Variants in NDUFA10 observed in about 807,000 individuals in gnomAD.
The protein encoded by NDUFA10 is NADH dehydrogenase [ubiquinone] 1 alpha subcomplex subunit 10, mitochondrial.
NDUFA10 carries 40 observed loss-of-function variants against 47.8 expected under a neutral mutation model. The observed-to-expected ratio is 0.84, with a 90% CI of 0.65 to 1.09. NDUFA10 has a LOEUF of 1.09. NDUFA10 is among the 50% of genes least tolerant of loss of function. NDUFA10 has a pLI of 0.00. For missense variants in NDUFA10, 413 were observed against 451.1 expected (o/e 0.92, Z 0.76); for synonymous variants, 183 against 172.2 (o/e 1.06, Z -0.49).
chr2:239,974,989 A>G (rs1385522073), intron 9 of NDUFA10, among the ~76,000 whole-genome samples: 1 of 146,834 alleles, frequency 6.8e-6, no homozygotes, highest in African/African-American at 2.6e-5. Flanking sequence ...CTGGTCATTT[A>G]AAAACATGTG....
rs764117175 is a variant in NDUFA10 at position 239,928,555 on chromosome 2, C to A, written c.295-33241G>T. Among the ~76,000 whole-genome samples, 8 of 152,194 alleles carry A rather than the reference C, an allele frequency of 5.3e-5. No homozygotes were observed. Among genetic ancestry groups the A allele is most frequent in the Non-Finnish European group, 1.0e-4 (7 of 68,034 alleles). On this transcript the variant is annotated intron_variant, in intron 4 of 5. Transcript: ENST00000419408. This position sits in a 1 kb window ranked among gnomAD's most constrained non-coding sequence, Gnocchi z 4.3. ...TGGGTTTAATGCAGTTCCTGTCTCCCACCCTGGAGCTGTGACAGCGACATC... is the reference window on the plus strand; with the variant it reads ...TGGGTTTAATGCAGTTCCTGTCTCCAACCCTGGAGCTGTGACAGCGACATC...
intron 9 of NDUFA10, chr2:239,982,144 T>A (rs1180426994): frequency 6.2e-7 from 1 of 1,612,604 alleles, no homozygotes; most frequent in Non-Finnish European, 8.5e-7. Context: ...TCTTCCCACC[T>A]CCAAAGACCA....
intron 4 of NDUFA10, among the ~76,000 whole-genome samples, chr2:239,936,194 A>AGATG (rs1694263873): frequency 2.6e-5 from 4 of 152,200 alleles, no homozygotes; most frequent in Admixed American, 2.0e-4. Flanking sequence ...TGTGGGCAGC[A>AGATG]GATGCCCTGT....
At chr2:239,978,485 C>T (rs914384532) in intron 9 of NDUFA10, among the ~76,000 whole-genome samples, 1 of 152,152 alleles carries the variant, frequency 6.6e-6, no homozygotes, top group Non-Finnish European at 1.5e-5. Flanking sequence ...CGAGCTTGGT[C>T]CTCTTCACCA....
chr2:239,969,449 TCTG>T (rs1695222411), intron 9 of NDUFA10: 1 of 335,714 alleles, frequency 3.0e-6, no homozygotes, highest in Admixed American at 3.8e-5. Context: ...ACCCTCAGGA[TCTG>T]CTGCCTGTTC....
At chr2:239,956,559 G>A (rs963550034), downstream of NDUFA10, among the ~76,000 whole-genome samples, 37 of 152,220 alleles carry the variant, frequency 2.4e-4, no homozygotes, top group African/African-American at 8.2e-4. Flanking sequence ...GAGGACTGGC[G>A]TTGCTCCTGG....
intron 4 of NDUFA10, among the ~76,000 whole-genome samples, chr2:239,904,963 C>G (rs149407731): frequency 1.3e-5 from 2 of 152,156 alleles, no homozygotes; most frequent in Non-Finnish European, 1.5e-5. Flanking sequence ...TCTGCTCTTC[C>G]GCCTCTTATA....
At position 239,968,533 on chromosome 2, in the gene NDUFA10, C is replaced by A. The variant is rs151099497; in HGVS notation, c.1000-7347G>T. Among the ~76,000 whole-genome samples, 122 of 152,308 alleles carry A rather than the reference C, an allele frequency of 8.0e-4. 2 individuals are homozygous for A. In the South Asian group the frequency reaches 0.014, roughly 18 times the overall value. On this transcript the variant is annotated intron_variant, in intron 9 of 9. Coordinates refer to ENST00000252711, the MANE Select transcript of NDUFA10 (RefSeq NM_004544.4). ...AGGCAGTAACAGGGTCTGTACTTGC[C>A]TCCCAGCCAGATACATTTAGAAACT...
At chr2:239,909,319 A>T (rs1391878018) in intron 4 of NDUFA10, among the ~76,000 whole-genome samples, 3 of 152,204 alleles carry the variant, frequency 2.0e-5, no homozygotes, top group Non-Finnish European at 4.4e-5. Context: ...AACTATTTTT[A>T]AAAAATCCCT....
At chr2:240,020,242 G>A (rs570023886) in intron 3 of NDUFA10, among the ~76,000 whole-genome samples, 11 of 152,174 alleles carry the variant, frequency 7.2e-5, no homozygotes, top group Admixed American at 6.5e-5. Context: ...CCCTAGTGGC[G>A]GCTGAGCTTG....
At chr2:239,955,052 T>C (rs567145756), downstream of NDUFA10, among the ~76,000 whole-genome samples, 2 of 152,346 alleles carry the variant, frequency 1.3e-5, no homozygotes, top group African/African-American at 4.8e-5. Context: ...GAAGGGTTCA[T>C]TTGAATTTGG....
chr2:239,910,766 G>T (rs1229639054), intron 4 of NDUFA10, among the ~76,000 whole-genome samples: 1 of 152,166 alleles, frequency 6.6e-6, no homozygotes, highest in African/African-American at 2.4e-5. Context: ...GATGACCATT[G>T]TCACTAGCTT....
intron 9 of NDUFA10, chr2:239,976,439 C>G (rs1695525342): frequency 6.6e-6 from 1 of 152,528 alleles, no homozygotes; most frequent in Non-Finnish European, 1.5e-5. Context: ...CCCCAAGACT[C>G]TACTTGGCAA....
At chr2:239,952,751 T>TGGGCCAGGGCCC (rs1694578091), downstream of NDUFA10, among the ~76,000 whole-genome samples, 2 of 152,324 alleles carry the variant, frequency 1.3e-5, no homozygotes, top group South Asian at 4.1e-4. Flanking sequence ...GGCCTGGGCC[T>TGGGCCAGGGCCC]GGGCCAGGGC....
intron 4 of NDUFA10, among the ~76,000 whole-genome samples, chr2:239,947,025 G>T (rs1217798312): frequency 2.6e-5 from 4 of 152,122 alleles, no homozygotes; most frequent in African/African-American, 7.2e-5. Flanking sequence ...GGTGGTGGGT[G>T]CTGTGCCTCC....
intron 4 of NDUFA10, among the ~76,000 whole-genome samples, chr2:239,902,636 T>A (rs1693574257): frequency 6.6e-6 from 1 of 152,226 alleles, no homozygotes; most frequent in Admixed American, 6.5e-5. Flanking sequence ...ACACTCTGTG[T>A]CCACAGGACT....
At chr2:239,938,829 T>C (rs948992581) in intron 4 of NDUFA10, among the ~76,000 whole-genome samples, 3 of 152,042 alleles carry the variant, frequency 2.0e-5, no homozygotes, top group Non-Finnish European at 4.4e-5. Context: ...GAATGCACCA[T>C]CCAGCGAGCA....
At position 239,928,930 on chromosome 2, in the gene NDUFA10, CG is replaced by C. The variant is rs1218074483; in HGVS notation, c.295-33617del. ...TGTCTCCCATCGCCCCGCGGCCACC[CG>C]GATCCCACTCCCGAGGTCAGGAGCC... On this transcript the variant is annotated intron_variant, in intron 4 of 5. Transcript: ENST00000419408. This position sits in a 1 kb window ranked among gnomAD's most constrained non-coding sequence, Gnocchi z 4.3. Among the ~76,000 whole-genome samples the C allele has an allele frequency of 9.3e-4, 142 of 152,292 alleles. No homozygotes were observed. Among genetic ancestry groups the C allele is most frequent in the African/African-American group, 3.1e-3 (129 of 41,576 alleles).
intron 4 of NDUFA10, among the ~76,000 whole-genome samples, chr2:240,017,286 A>G (rs1289115425): frequency 6.6e-6 from 1 of 151,864 alleles, no homozygotes; most frequent in East Asian, 1.9e-4. Context: ...ATCCAGCATC[A>G]TTCTCCCCCA....
Sources: gnomAD v4.1 joint callset for allele counts (sites outside exome capture counted in the v4.1 genomes callset) on GRCh38, gnomAD v4.1.1 for gene constraint, Gnocchi (gnomAD v3.1) non-coding constraint, MANE v1.5 for transcripts, NCBI Gene and HGNC (gene_info 2026-07-23, HGNC 2026-07-21) for gene names.